Variants in GNA14 observed in about 807,000 individuals in gnomAD.
GNA14 encodes the protein guanine nucleotide-binding protein subunit alpha-14.
GNA14 carries 50 observed loss-of-function variants against 42.0 expected under a neutral mutation model. The ratio of observed to expected loss-of-function variants is 1.19; its 90% CI spans 0.95 to 1.51. GNA14 has a LOEUF of 1.51. Among genes scored for constraint, GNA14 ranks in the 40% most tolerant of loss-of-function variants. GNA14 has a pLI of 0.00. For synonymous variants in GNA14, 173 were observed against 163.1 expected, an observed-to-expected ratio of 1.06 and a Z score of -0.46; for missense variants, 473 against 446.2, an observed-to-expected ratio of 1.06 and a Z score of -0.54.
intron 1 of GNA14, among the ~76,000 whole-genome samples, chr9:77,604,652 C>T (rs1419625927): frequency 6.6e-6 from 1 of 152,196 alleles, no homozygotes; most frequent in Admixed American, 6.5e-5. Context: ...GACATGGAAG[C>T]AAAATCACAT....
chr9:77,550,149 G>C (rs1837771990), intron 1 of GNA14, among the ~76,000 whole-genome samples: 2 of 152,162 alleles, frequency 1.3e-5, no homozygotes, highest in African/African-American at 4.8e-5. Context: ...AACCCTGTCT[G>C]TGCCCTGCAA....
intron 2 of GNA14, among the ~76,000 whole-genome samples, chr9:77,439,157 G>A (rs549607158): frequency 2.0e-5 from 3 of 152,306 alleles, no homozygotes; most frequent in South Asian, 2.1e-4. Context: ...AAGACATTAT[G>A]AGGATGGCTG....
chr9:77,444,335 G>A (rs1835780200), intron 2 of GNA14, among the ~76,000 whole-genome samples: 1 of 152,176 alleles, frequency 6.6e-6, no homozygotes, highest in African/African-American at 2.4e-5. Context: ...ACTCCTGCCT[G>A]GATCTTCTCC....
At chr9:77,510,613 C>T (rs1237554883) in intron 2 of GNA14, among the ~76,000 whole-genome samples, 2 of 152,216 alleles carry the variant, frequency 1.3e-5, no homozygotes, top group Admixed American at 6.5e-5. Flanking sequence ...ACAGTCCTTC[C>T]TGCCCTCAGA....
In GNA14 at chr9:77,569,453, G is replaced by A. The variant is rs116214295; in HGVS notation, c.125-40200C>T. 6.1e-3 allele frequency among the ~76,000 whole-genome samples: 932 copies of A among 152,220 alleles called. 9 individuals are homozygous for A. Among genetic ancestry groups the A allele is most frequent in the African/African-American group, 0.021 (870 of 41,540 alleles). On this transcript the variant is annotated intron_variant, in intron 1 of 6. Transcript: ENST00000341700. ...AACTGTCCTGCCCAACAAGTTTCCCGAGGACCTACTATGTGTTGGGAACTG... is the reference window on the plus strand; with the variant it reads ...AACTGTCCTGCCCAACAAGTTTCCCAAGGACCTACTATGTGTTGGGAACTG...
chr9:77,503,075 T>C (rs1837001024), intron 2 of GNA14, among the ~76,000 whole-genome samples: 1 of 152,214 alleles, frequency 6.6e-6, no homozygotes, highest in Non-Finnish European at 1.5e-5. Flanking sequence ...TCATCTTCCT[T>C]ATTCTTTCCA....
chr9:77,619,041 G>C (rs575455608), intron 1 of GNA14, among the ~76,000 whole-genome samples: 7 of 152,076 alleles, frequency 4.6e-5, no homozygotes, highest in Non-Finnish European at 1.0e-4. Context: ...TTACATGTGT[G>C]GCTCACATTT....
At chr9:77,443,853 G>T (rs908761501) in intron 2 of GNA14, among the ~76,000 whole-genome samples, 1 of 152,102 alleles carries the variant, frequency 6.6e-6, no homozygotes, top group Non-Finnish European at 1.5e-5. Flanking sequence ...ATGGTGATGC[G>T]TGCCTGTAGC....
chr9:77,629,643 A>G (rs1037301716), intron 1 of GNA14, among the ~76,000 whole-genome samples: 4 of 152,304 alleles, frequency 2.6e-5, no homozygotes, highest in East Asian at 1.9e-4. Context: ...AAAACCAAAC[A>G]TCGCATGTTC....
chr9:77,501,655 G>A (rs1035553563), intron 2 of GNA14, among the ~76,000 whole-genome samples: 62 of 149,866 alleles, frequency 4.1e-4, no homozygotes, highest in African/African-American at 1.3e-3. Flanking sequence ...TTGTCTTTCC[G>A]TCCTTTTGAT....
At chr9:77,454,469 C>G (rs1025039882) in intron 2 of GNA14, among the ~76,000 whole-genome samples, 1 of 152,118 alleles carries the variant, frequency 6.6e-6, no homozygotes, top group African/African-American at 2.4e-5. Context: ...CCAGGCCACT[C>G]AGACTTTGCT....
intron 1 of GNA14, among the ~76,000 whole-genome samples, chr9:77,582,281 C>T (rs1823237533): frequency 6.6e-6 from 1 of 152,180 alleles, no homozygotes; most frequent in Non-Finnish European, 1.5e-5. Flanking sequence ...AAGTTCACAA[C>T]TTCAGTGGGC....
At chr9:77,573,612 G>A (rs1014749762) in intron 1 of GNA14, among the ~76,000 whole-genome samples, 2 of 152,160 alleles carry the variant, frequency 1.3e-5, no homozygotes, top group African/African-American at 4.8e-5. Context: ...AGTGGAAGGA[G>A]GGAAGGCAAA....
At chr9:77,464,629 G>A (rs1380549612) in intron 2 of GNA14, among the ~76,000 whole-genome samples, 5 of 151,798 alleles carry the variant, frequency 3.3e-5, no homozygotes, top group African/African-American at 4.8e-5. Context: ...AATATCCAAC[G>A]AGTCATGCCA....
intron 1 of GNA14, among the ~76,000 whole-genome samples, chr9:77,590,722 T>A (rs962050752): frequency 2.7e-4 from 40 of 149,464 alleles, no homozygotes; most frequent in African/African-American, 4.0e-4. Context: ...AAAAAAAAAA[T>A]AAGATTATGA....
chr9:77,483,072 G>A (rs968814892), intron 2 of GNA14, among the ~76,000 whole-genome samples: 5 of 152,194 alleles, frequency 3.3e-5, no homozygotes, highest in Admixed American at 6.5e-5. Context: ...GTCATTCTCC[G>A]TGCAGCTTTG....
chr9:77,640,047 A>G (rs1468762853), intron 1 of GNA14, among the ~76,000 whole-genome samples: 1 of 152,210 alleles, frequency 6.6e-6, no homozygotes, highest in African/African-American at 2.4e-5. Context: ...TGTCCATGAT[A>G]CATGTCCCCT....
Position 77,540,752 on chromosome 9 carries a change from T to C in GNA14, c.125-11499A>G, listed in dbSNP as rs575916056. Among the ~76,000 whole-genome samples, 7 of 152,282 alleles carry C rather than the reference T, an allele frequency of 4.6e-5. No individual in the cohort carries two copies. In the South Asian group the frequency reaches 1.4e-3, roughly 32 times the overall value. On this transcript the variant is annotated intron_variant, in intron 1 of 6. Coordinates refer to ENST00000341700, the MANE Select transcript of GNA14 (RefSeq NM_004297.4). ...ATTTTTTGTCTTTTGAAGTCTGTTTTACCTGACATAAGTATAGTTACTCCT... is the reference window on the plus strand; with the variant it reads ...ATTTTTTGTCTTTTGAAGTCTGTTTCACCTGACATAAGTATAGTTACTCCT...
At chr9:77,515,492 G>C (rs888915663) in intron 2 of GNA14, among the ~76,000 whole-genome samples, 1 of 152,244 alleles carries the variant, frequency 6.6e-6, no homozygotes, top group African/African-American at 2.4e-5. Flanking sequence ...AAGAGAGGCT[G>C]TTGATCTGCT....
Sources: gnomAD v4.1 joint callset for allele counts (sites outside exome capture counted in the v4.1 genomes callset) on GRCh38, gnomAD v4.1.1 for gene constraint, MANE v1.5 for transcripts, NCBI Gene and HGNC (gene_info 2026-07-23, HGNC 2026-07-21) for gene names.